PPP3R1: variants seen among roughly 807,000 people sequenced by gnomAD.
The protein encoded by PPP3R1 is protein phosphatase 3 regulatory subunit B, alpha.
A neutral mutation model predicts 22.6 loss-of-function variants in PPP3R1; 5 were observed. That is an observed-to-expected ratio of 0.22 (90% confidence interval 0.12 to 0.46). The LOEUF (loss-of-function observed/expected upper bound fraction) is 0.46. PPP3R1 is among the 20% of genes least tolerant of loss of function. PPP3R1 has a pLI of 0.99. For synonymous variants in PPP3R1, 56 were observed against 65.2 expected (o/e 0.86, Z 0.68); for missense variants, 61 against 203.2 (o/e 0.30, Z 4.25).
intron 1 of PPP3R1, among the ~76,000 whole-genome samples, chr2:68,232,124 T>TACACACACACACACACACACAC (rs751934251): frequency 4.1e-5 from 4 of 97,990 alleles, no homozygotes; most frequent in Admixed American, 3.6e-4. Flanking sequence ...TATATATATA[T>TACACACACACACACACACACAC]ACACACACAC....
chr2:68,190,254 TTAAAAAAAAA>T (rs1270682941), intron 2 of PPP3R1, among the ~76,000 whole-genome samples: 6 of 85,522 alleles, frequency 7.0e-5, no homozygotes, highest in Admixed American at 2.7e-4. Flanking sequence ...CAAGTTTCTC[TTAAAAAAAAA>T]AAAAAAAAAA....
intron 1 of PPP3R1, among the ~76,000 whole-genome samples, chr2:68,242,723 TA>T (rs1486973150): frequency 1.3e-5 from 2 of 152,164 alleles, no homozygotes; most frequent in East Asian, 3.8e-4. Flanking sequence ...TTACAAGAAA[TA>T]CTAGACAATG....
intron 1 of PPP3R1, among the ~76,000 whole-genome samples, chr2:68,238,271 A>C (rs1379841133): frequency 6.6e-6 from 1 of 152,184 alleles, no homozygotes; most frequent in African/African-American, 2.4e-5. Context: ...AGGGCAGGCA[A>C]TTAAACATAA....
chr2:68,198,213 T>C (rs971057393), intron 2 of PPP3R1, among the ~76,000 whole-genome samples: 1 of 136,388 alleles, frequency 7.3e-6, no homozygotes, highest in African/African-American at 2.7e-5. Flanking sequence ...TGTGCATACA[T>C]ATATACATTT....
At chr2:68,234,948 A>C (rs1477235570) in intron 1 of PPP3R1, among the ~76,000 whole-genome samples, 3 of 152,222 alleles carry the variant, frequency 2.0e-5, no homozygotes, top group Non-Finnish European at 4.4e-5. Flanking sequence ...AGAAAACTAA[A>C]GGTTAGTAAA....
chr2:68,203,994 C>A (rs558050475), intron 2 of PPP3R1, among the ~76,000 whole-genome samples: 2 of 152,090 alleles, frequency 1.3e-5, no homozygotes, highest in Admixed American at 6.6e-5. Context: ...TACAAAACAG[C>A]CCTTGTGTTT....
At chr2:68,196,266 C>T (rs1012152759) in intron 2 of PPP3R1, among the ~76,000 whole-genome samples, 1 of 152,122 alleles carries the variant, frequency 6.6e-6, no homozygotes, top group Admixed American at 6.6e-5. Flanking sequence ...ACACCTCCTA[C>T]GAAGGTAAAT....
In PPP3R1 at chr2:68,252,283, G is replaced by T; in HGVS notation, c.-156C>A. 3 of 1,034,244 alleles carry T rather than the reference G, an allele frequency of 2.9e-6. No homozygotes were observed. Among genetic ancestry groups the T allele is most frequent in the Non-Finnish European group, 3.5e-6 (3 of 862,998 alleles). The allele number at this position is 1,034,244 out of a possible 1,614,324, so 64.1% of individuals were successfully genotyped here. A position where few individuals can be genotyped will look rare whatever the true frequency, so the allele number is the denominator to read the frequency against. ...GGGGGAGGGGAGGCGGCGCCGCGGG[G>T]CCCGCGCCGGCCGGGCGATTGGGCA... On this transcript the variant is annotated 5_prime_UTR_variant, in exon 1 of 6. Transcript: ENST00000234310.
chr2:68,209,375 A>C (rs1218236590), intron 2 of PPP3R1, among the ~76,000 whole-genome samples: 1 of 141,142 alleles, frequency 7.1e-6, no homozygotes, highest in Non-Finnish European at 1.5e-5. Flanking sequence ...AAAAAAAAAA[A>C]AAAAAAAAAA....
chr2:68,236,203 C>A (rs1262677639), intron 1 of PPP3R1, among the ~76,000 whole-genome samples: 5 of 151,258 alleles, frequency 3.3e-5, no homozygotes, highest in Admixed American at 1.3e-4. Context: ...TTTTTTCTTT[C>A]ATTGCTTGTG....
At chr2:68,252,102 C>T (rs1670376459) in intron 1 of PPP3R1, 23 bp downstream of exon 1, 3 of 1,428,474 alleles carry the variant, frequency 2.1e-6, no homozygotes, top group East Asian at 3.1e-5. Context: ...AGGGATGGTG[C>T]ATCGAGGAAG....
chr2:68,196,696 A>G (rs1005648571), intron 2 of PPP3R1, among the ~76,000 whole-genome samples: 1 of 152,134 alleles, frequency 6.6e-6, no homozygotes, highest in Admixed American at 6.5e-5. Context: ...CGGTATCACC[A>G]CCAACAAAAG....
At position 68,185,424 on chromosome 2, in the gene PPP3R1, A is replaced by G. The variant is rs1374726506; in HGVS notation, c.465+1044T>C. On this transcript the variant is annotated intron_variant, in intron 5 of 5. Transcript: ENST00000234310. ...ATCTTCATTTATATATTATATTTAT[A>G]TATTTATATTTCTTATATTTATATT... is the stretch of plus-strand genomic sequence containing the variant. 4.4e-5 allele frequency among the ~76,000 whole-genome samples: 6 copies of G among 136,274 alleles called. No homozygotes were observed. In the Admixed American group the frequency reaches 4.6e-4, roughly 10 times the overall value. 89.4% of individuals were successfully genotyped at this position (136,274 alleles called of 152,430 possible). A position where few individuals can be genotyped will look rare whatever the true frequency, so the allele number is the denominator to read the frequency against.
intron 1 of PPP3R1, among the ~76,000 whole-genome samples, chr2:68,233,893 T>C (rs2103797961): frequency 6.6e-6 from 1 of 152,330 alleles, no homozygotes; most frequent in South Asian, 2.1e-4. Context: ...AAGTTAACTC[T>C]GTGACTATAA....
chr2:68,252,084 G>A (rs2103825247), intron 1 of PPP3R1, 41 bp downstream of exon 1: 2 of 1,405,754 alleles, frequency 1.4e-6, no homozygotes, highest in South Asian at 2.8e-5. Context: ...GACGGCGGCA[G>A]TAGGGGGAGG....
At chr2:68,239,578 C>T (rs1670079910) in intron 1 of PPP3R1, among the ~76,000 whole-genome samples, 1 of 151,944 alleles carries the variant, frequency 6.6e-6, no homozygotes, top group Non-Finnish European at 1.5e-5. Flanking sequence ...AAATAGTATC[C>T]AGTAAGCAGA....
chr2:68,229,977 C>CATAT (rs1669860825), intron 1 of PPP3R1, among the ~76,000 whole-genome samples: 2 of 36,906 alleles, frequency 5.4e-5, no homozygotes, highest in African/African-American at 4.3e-4. Flanking sequence ...CACACATACA[C>CATAT]ACACACACAC....
At chr2:68,202,194 G>C (rs546462386) in intron 2 of PPP3R1, among the ~76,000 whole-genome samples, 39 of 152,226 alleles carry the variant, frequency 2.6e-4, no homozygotes, top group African/African-American at 9.2e-4. Context: ...GATTCAAGAA[G>C]TTTTATTTTT....
chr2:68,249,377 T>C (rs1480104454), intron 1 of PPP3R1, among the ~76,000 whole-genome samples: 2 of 152,118 alleles, frequency 1.3e-5, no homozygotes, highest in Admixed American at 6.5e-5. Context: ...CATACAGTTA[T>C]AGACGGCAAT....
Sources: gnomAD v4.1 joint callset for allele counts (sites outside exome capture counted in the v4.1 genomes callset) on GRCh38, gnomAD v4.1.1 for gene constraint, MANE v1.5 for transcripts, NCBI Gene and HGNC (gene_info 2026-07-23, HGNC 2026-07-21) for gene names.